SMG6: variants seen among roughly 807,000 people sequenced by gnomAD.
SMG6 encodes the protein SMG6 nonsense mediated mRNA decay factor, also known as telomerase-binding protein EST1A.
Under a neutral mutation model 142.2 loss-of-function variants are expected in SMG6, and 66 were observed. That is an observed-to-expected ratio of 0.46 (90% confidence interval 0.38 to 0.57). The LOEUF is 0.57. SMG6 is among the 20% of genes least tolerant of loss of function. The pLI, the probability that SMG6 is intolerant of heterozygous loss-of-function variation, is 0.00. For synonymous variants in SMG6, 779 were observed against 702.4 expected, an observed-to-expected ratio of 1.11 and a Z score of -1.72; for missense variants, 1,793 against 1,832.0, an observed-to-expected ratio of 0.98 and a Z score of 0.39.
chr17:2,115,963 C>T (rs560038328), intron 13 of SMG6, among the ~76,000 whole-genome samples: 1 of 152,140 alleles, frequency 6.6e-6, no homozygotes, highest in African/African-American at 2.4e-5. Context: ...CACCCTGGCC[C>T]CCCAAAGTGC....
At chr17:2,126,769 G>C (rs892580800) in intron 13 of SMG6, among the ~76,000 whole-genome samples, 5 of 149,972 alleles carry the variant, frequency 3.3e-5, no homozygotes, top group African/African-American at 9.8e-5. Flanking sequence ...ACACTTTTGT[G>C]CATCAAAGGT....
At chr17:2,179,667 T>A (rs1420799331) in intron 12 of SMG6, among the ~76,000 whole-genome samples, 1 of 152,062 alleles carries the variant, frequency 6.6e-6, no homozygotes, top group African/African-American at 2.4e-5. Flanking sequence ...AGCATCAGAA[T>A]GCGAAGGTCT....
chr17:2,185,534 A>G (rs1173118393), intron 12 of SMG6, among the ~76,000 whole-genome samples: 1 of 141,228 alleles, frequency 7.1e-6, no homozygotes, highest in Non-Finnish European at 1.5e-5. Context: ...AAACACATAA[A>G]CTGATCTACG....
chr17:2,166,834 G>A (rs1036914040), intron 13 of SMG6, among the ~76,000 whole-genome samples: 1 of 152,114 alleles, frequency 6.6e-6, no homozygotes, highest in African/African-American at 2.4e-5. Context: ...ACAGATATAA[G>A]GGGACTGAGG....
intron 13 of SMG6, among the ~76,000 whole-genome samples, chr17:2,096,559 TG>T (rs547448453): frequency 4.6e-5 from 7 of 152,238 alleles, no homozygotes; most frequent in Middle Eastern, 3.4e-3. Flanking sequence ...GTCCCCTAGC[TG>T]ATCTCAAACT....
chr17:2,295,920 C>T (rs2075133413), intron 4 of SMG6, among the ~76,000 whole-genome samples: 1 of 152,168 alleles, frequency 6.6e-6, no homozygotes, highest in Non-Finnish European at 1.5e-5. Flanking sequence ...CACACCAAAT[C>T]AGTCAACAAT....
intron 13 of SMG6, among the ~76,000 whole-genome samples, chr17:2,096,756 CACAAGACAAG>C (rs368544975): frequency 0.015 from 2,256 of 151,892 alleles, 39 homozygotes; most frequent in African/African-American, 0.05. Context: ...ATCCTGGGCA[CACAAGACAAG>C]ACAAGACAAG....
Position 2,266,155 on chromosome 17 carries a change from C to G in SMG6, c.2661+16492G>C, listed in dbSNP as rs72819570. 416 of 985,402 alleles carry G rather than the reference C, an allele frequency of 4.2e-4. 1 individual carries two copies. Among genetic ancestry groups the G allele is most frequent in the Non-Finnish European group, 4.1e-4 (337 of 829,934 alleles). 61.0% of individuals were successfully genotyped at this position (985,402 alleles called of 1,614,324 possible). A position where few individuals can be genotyped will look rare whatever the true frequency, so the allele number is the denominator to read the frequency against. On this transcript the variant is annotated intron_variant, in intron 8 of 18. Transcript: ENST00000263073. ...TTGCTGTTAACATCTTCTAAAATGTCTAAACCAAACCAAGGCCTGGAAATT... is the reference window on the plus strand; with the variant it reads ...TTGCTGTTAACATCTTCTAAAATGTGTAAACCAAACCAAGGCCTGGAAATT...
intron 8 of SMG6, among the ~76,000 whole-genome samples, chr17:2,281,051 T>C (rs1288054764): frequency 6.6e-6 from 1 of 152,144 alleles, no homozygotes; most frequent in Non-Finnish European, 1.5e-5. Flanking sequence ...CCGACCCTGT[T>C]TTTGATTGTA....
At chr17:2,108,895 G>A (rs1295176908) in intron 13 of SMG6, among the ~76,000 whole-genome samples, 1 of 148,328 alleles carries the variant, frequency 6.7e-6, no homozygotes, top group Non-Finnish European at 1.5e-5. Flanking sequence ...AGTGAGTTGA[G>A]GATTACACCA....
chr17:2,298,944 G>C lies in SMG6; in HGVS notation c.1809C>G (p.Arg603=), dbSNP rs1360216472. 6.2e-7 allele frequency: 1 copy of C among 1,614,066 alleles called. No individual in the cohort carries two copies. The highest frequency in any genetic ancestry group is 1.1e-5 in the South Asian group (1 of 91,078). The part of the protein sequence containing the change: ...LQLSNLLSRD[R]ISPEGLEKMA... ...TCTTCTCCAGGCCCTCCGGACTGAT[G>C]CGGTCCCTGGAGAGCAGGTTGCTGA... The change falls in exon 2 of 19, where the codon CGC becomes CGG. Residue 603 remains arginine (R), a synonymous_variant. Transcript: ENST00000263073.
intron 8 of SMG6, 183 bp from the exon 9 acceptor site, chr17:2,244,902 A>G (rs1209931882): frequency 1.7e-6 from 1 of 595,032 alleles, no homozygotes; most frequent in Admixed American, 2.9e-5. Flanking sequence ...GCTGCCGCTC[A>G]GCTGAGCCAA....
Position 2,061,470 on chromosome 17 carries a change from G to GGT in SMG6, c.*21_*22insAC. On this transcript the variant is annotated 3_prime_UTR_variant, in exon 19 of 19. Coordinates refer to ENST00000263073, the MANE Select transcript of SMG6 (RefSeq NM_017575.5). ...GCCTTTCAGGAACGGTTCCACGGGG[G>GGT]GGGGGCCCCAGTGTGGCTCCCTCAG... 6.4e-7 allele frequency: 1 copy of GGT among 1,565,378 alleles called. No individual in the cohort carries two copies. Among genetic ancestry groups the GGT allele is most frequent in the Non-Finnish European group, 8.6e-7 (1 of 1,157,300 alleles).
chr17:2,194,580 G>T (rs1198670407), intron 10 of SMG6, among the ~76,000 whole-genome samples: 1 of 152,100 alleles, frequency 6.6e-6, no homozygotes, highest in Non-Finnish European at 1.5e-5. Flanking sequence ...AGGAATGGTG[G>T]CTTACGCCTG....
chr17:2,098,501 GT>G (rs1386952907), intron 13 of SMG6, among the ~76,000 whole-genome samples: 2 of 152,124 alleles, frequency 1.3e-5, no homozygotes, highest in Non-Finnish European at 1.5e-5. Context: ...CCAGGGTAGG[GT>G]TTTACATTCT....
intron 13 of SMG6, among the ~76,000 whole-genome samples, chr17:2,093,678 G>T (rs2068783667): frequency 6.6e-6 from 1 of 152,170 alleles, no homozygotes; most frequent in Admixed American, 6.5e-5. Context: ...GGCTGTTGAA[G>T]CTGCAAAAAA....
At chr17:2,197,216 C>T (rs1381198520) in intron 10 of SMG6, among the ~76,000 whole-genome samples, 1 of 152,166 alleles carries the variant, frequency 6.6e-6, no homozygotes, top group African/African-American at 2.4e-5. Flanking sequence ...CTAGGAAAAT[C>T]TGTTTGTAAA....
intron 13 of SMG6, among the ~76,000 whole-genome samples, chr17:2,168,309 C>T (rs2071402726): frequency 6.6e-6 from 1 of 152,000 alleles, no homozygotes; most frequent in South Asian, 2.1e-4. Context: ...TCTCATGCCT[C>T]AGCCTCCCGA....
intron 8 of SMG6, among the ~76,000 whole-genome samples, chr17:2,276,791 G>GT (rs1002416941): frequency 5.3e-5 from 8 of 151,528 alleles, no homozygotes; most frequent in Non-Finnish European, 1.0e-4. Context: ...ATGTCTTTTT[G>GT]TTTTTTTGAG....
Sources: allele counts gnomAD v4.1 joint callset (sites outside exome capture counted in the v4.1 genomes callset), GRCh38; gene constraint gnomAD v4.1.1; transcripts MANE v1.5; gene names NCBI Gene and HGNC (gene_info 2026-07-23, HGNC 2026-07-21).